EYA2: variants seen among roughly 807,000 people sequenced by gnomAD.
EYA2 encodes protein phosphatase EYA2.
EYA2 carries 31 observed loss-of-function variants against 69.2 expected under a neutral mutation model. The ratio of observed to expected loss-of-function variants is 0.45; its 90% CI spans 0.34 to 0.60. EYA2 has a LOEUF of 0.60. Ranked by LOEUF, EYA2 falls within the 20% of genes least tolerant of loss-of-function variation. EYA2 has a pLI of 0.02. For synonymous variants in EYA2, 257 were observed against 279.4 expected, an observed-to-expected ratio of 0.92 and a Z score of 0.80; for missense variants, 622 against 701.2, an observed-to-expected ratio of 0.89 and a Z score of 1.28.
intron 5 of EYA2, among the ~76,000 whole-genome samples, chr20:47,055,166 C>T (rs929660475): frequency 1.3e-5 from 2 of 152,194 alleles, no homozygotes; most frequent in Admixed American, 6.5e-5. Flanking sequence ...GGTCCAGGCT[C>T]AGTCACGTGA....
At chr20:47,143,518 A>G (rs1286038768) in intron 10 of EYA2, among the ~76,000 whole-genome samples, 1 of 152,184 alleles carries the variant, frequency 6.6e-6, no homozygotes, top group Non-Finnish European at 1.5e-5. Flanking sequence ...CTCCTGGGTC[A>G]GTAATAATTA....
chr20:47,008,647 G>A (rs2146357509), intron 4 of EYA2, among the ~76,000 whole-genome samples: 1 of 152,312 alleles, frequency 6.6e-6, no homozygotes, highest in East Asian at 1.9e-4. Context: ...TTATTTTACT[G>A]TCTCAGTTAC....
At chr20:46,990,331 G>T (rs1018902489) in intron 2 of EYA2, among the ~76,000 whole-genome samples, 2 of 152,180 alleles carry the variant, frequency 1.3e-5, no homozygotes, top group Admixed American at 1.3e-4. Flanking sequence ...GTGCTCATTC[G>T]TGTCTTGAAC....
At chr20:47,153,975 G>T (rs2033872409) in intron 10 of EYA2, among the ~76,000 whole-genome samples, 1 of 152,026 alleles carries the variant, frequency 6.6e-6, no homozygotes, top group South Asian at 2.1e-4. Context: ...TAGCTGGCTT[G>T]TATGTTTCAC....
intron 1 of EYA2, among the ~76,000 whole-genome samples, chr20:46,984,078 AAAATT>A (rs1185026615): frequency 6.6e-6 from 1 of 152,222 alleles, no homozygotes; most frequent in Non-Finnish European, 1.5e-5. Context: ...AATATGGAGA[AAAATT>A]AAACTTTAAA....
Position 47,188,042 on chromosome 20 carries a change from CTG to C in EYA2, c.1537-7_1537-6del. On this transcript the variant is annotated splice_polypyrimidine_tract_variant and intron_variant, in intron 15 of 15. Coordinates refer to ENST00000327619, the MANE Select transcript of EYA2 (RefSeq NM_005244.5). ...GGGCCATAACCTTGTGGCTGGTGTTCTGTGTTTCAGCACAACATGCCTTTCTG... is the reference window on the plus strand; with the variant it reads ...GGGCCATAACCTTGTGGCTGGTGTTCTGTTTCAGCACAACATGCCTTTCTG... 6.4e-7 allele frequency: 1 copy of C among 1,557,780 alleles called. No individual in the cohort carries two copies. Among genetic ancestry groups the C allele is most frequent in the Non-Finnish European group, 8.7e-7 (1 of 1,150,500 alleles).
intron 9 of EYA2, among the ~76,000 whole-genome samples, chr20:47,124,292 T>C (rs1264922891): frequency 6.6e-6 from 1 of 152,214 alleles, no homozygotes; most frequent in African/African-American, 2.4e-5. Context: ...ACATCTGGAC[T>C]CTTGTTGACT....
At chr20:47,165,834 G>C (rs1022384399) in intron 10 of EYA2, among the ~76,000 whole-genome samples, 18 of 152,114 alleles carry the variant, frequency 1.2e-4, no homozygotes, top group Admixed American at 1.0e-3. Flanking sequence ...GGCAACCCAG[G>C]CTGCCCCAGA....
chr20:46,994,184 G>C (rs367602826), intron 2 of EYA2, among the ~76,000 whole-genome samples: 1 of 152,052 alleles, frequency 6.6e-6, no homozygotes, highest in Non-Finnish European at 1.5e-5. Context: ...CATTTGCATC[G>C]TACTGATGAC....
intron 9 of EYA2, among the ~76,000 whole-genome samples, chr20:47,111,667 C>T (rs984964931): frequency 2.6e-5 from 4 of 152,182 alleles, no homozygotes; most frequent in East Asian, 1.9e-4. Context: ...GGCTTAGAAA[C>T]GAGCCCAGAT....
chr20:47,153,600 G>C (rs977850871), intron 10 of EYA2, among the ~76,000 whole-genome samples: 2 of 151,918 alleles, frequency 1.3e-5, no homozygotes. Flanking sequence ...GCTGCAGTGA[G>C]CTAGCTGTGA....
intron 1 of EYA2, among the ~76,000 whole-genome samples, chr20:46,961,929 A>T (rs571903873): frequency 6.6e-6 from 1 of 152,360 alleles, no homozygotes; most frequent in East Asian, 1.9e-4. Flanking sequence ...AGAGAGGAGG[A>T]ATAAGTTCCA....
intron 7 of EYA2, among the ~76,000 whole-genome samples, chr20:47,079,395 C>T (rs1170803971): frequency 6.6e-6 from 1 of 152,160 alleles, no homozygotes; most frequent in Non-Finnish European, 1.5e-5. Context: ...CTTCCTTGCC[C>T]TTCTACCTGC....
At chr20:47,090,229 C>CTTTTTT (rs60732138) in intron 8 of EYA2, among the ~76,000 whole-genome samples, 2 of 122,070 alleles carry the variant, frequency 1.6e-5, no homozygotes, top group Non-Finnish European at 3.3e-5. Flanking sequence ...ATGCTCCAAT[C>CTTTTTT]TTTTTTTTTT....
chr20:47,051,906 G>C (rs929532899), intron 5 of EYA2, among the ~76,000 whole-genome samples: 3 of 152,222 alleles, frequency 2.0e-5, no homozygotes, highest in Non-Finnish European at 4.4e-5. Context: ...TCAGCATAGT[G>C]CCCGGCACAG....
intron 15 of EYA2, among the ~76,000 whole-genome samples, chr20:47,185,846 C>T (rs549282452): frequency 6.6e-5 from 10 of 152,256 alleles, no homozygotes; most frequent in African/African-American, 2.2e-4. Context: ...GAGAAACTTA[C>T]CTTCTTTTTT....
chr20:47,133,041 G>A (rs2033380415), intron 9 of EYA2, among the ~76,000 whole-genome samples: 1 of 152,176 alleles, frequency 6.6e-6, no homozygotes, highest in Non-Finnish European at 1.5e-5. Flanking sequence ...TTGATTATAA[G>A]CGACAGAAAT....
rs1289288636 is a variant in EYA2 at position 47,172,620 on chromosome 20, G to A, written c.1038-87G>A. 7 of 1,448,376 alleles carry A rather than the reference G, an allele frequency of 4.8e-6. No individual in the cohort carries two copies. In the Admixed American group the frequency reaches 6.8e-5, roughly 14 times the overall value. The allele number at this position is 1,448,376 out of a possible 1,614,324, so 89.7% of individuals were successfully genotyped here. A position where few individuals can be genotyped will look rare whatever the true frequency, so the allele number is the denominator to read the frequency against. ...CTCATGGACACCCAAAAGCCCACCC[G>A]TGGGTCCCACAGAGCCTGTGGTCTC... On this transcript the variant is annotated intron_variant, in intron 11 of 15. Transcript: ENST00000327619.
intron 12 of EYA2, 142 bp downstream of exon 12, chr20:47,173,009 T>G: frequency 1.1e-6 from 1 of 891,184 alleles, no homozygotes; most frequent in Admixed American, 3.2e-5. Context: ...GACGACACCC[T>G]TCGGAATAGA....
Sources: gnomAD v4.1 joint callset for allele counts (sites outside exome capture counted in the v4.1 genomes callset) on GRCh38, gnomAD v4.1.1 for gene constraint, MANE v1.5 for transcripts, NCBI Gene and HGNC (gene_info 2026-07-23, HGNC 2026-07-21) for gene names.